The following RGS6 variants were observed in gnomAD, a reference collection of about 807,000 sequenced individuals.
The protein encoded by RGS6 is regulator of G protein signaling 6, also known as regulator of G-protein signaling 6.
In RGS6, 30 loss-of-function variants were observed where a neutral mutation model predicts 78.5. That is an observed-to-expected ratio of 0.38 (90% CI 0.29 to 0.52). RGS6 has a LOEUF of 0.52. Ranked by LOEUF, RGS6 falls within the 20% of genes least tolerant of loss-of-function variation. RGS6 has a pLI of 0.85. For synonymous variants in RGS6, 206 were observed against 206.0 expected (o/e 1.00, Z 0.00); for missense variants, 495 against 609.7 (o/e 0.81, Z 1.98).
In RGS6 at chr14:71,964,908, T is replaced by G. The variant is rs144100560; in HGVS notation, c.84+33T>G. On this transcript the variant is annotated intron_variant, in intron 2 of 17. Coordinates refer to ENST00000553525, the MANE Select transcript of RGS6 (RefSeq NM_001204424.2). ...GCCTGGTCAAGTGCCGTGCGTGCTGTCCGTGTGGACTGTTGTGTTCTGTGT... is the reference window on the plus strand; with the variant it reads ...GCCTGGTCAAGTGCCGTGCGTGCTGGCCGTGTGGACTGTTGTGTTCTGTGT... 692 of 1,566,060 alleles carry G rather than the reference T, an allele frequency of 4.4e-4. 13 individuals carry two copies. In the East Asian group the frequency reaches 0.01, roughly 23 times the overall value.
intron 2 of RGS6, among the ~76,000 whole-genome samples, chr14:72,251,655 G>C (rs1216842360): frequency 6.6e-6 from 1 of 152,164 alleles, no homozygotes; most frequent in East Asian, 1.9e-4. Flanking sequence ...AGAGCTAAAT[G>C]TTGAAAATAT....
At chr14:72,377,683 T>G (rs372624179) in intron 3 of RGS6, among the ~76,000 whole-genome samples, 31 of 152,168 alleles carry the variant, frequency 2.0e-4, no homozygotes, top group African/African-American at 7.0e-4. Context: ...CTTTTCAAAA[T>G]CAAAATTATG....
At chr14:71,882,826 T>A in the RGS6 span, among the ~76,000 whole-genome samples, 1 of 152,232 alleles carries the variant, frequency 6.6e-6, no homozygotes, top group Non-Finnish European at 1.5e-5. Flanking sequence ...TATCTTGCTC[T>A]GCTTTCCAAA....
At chr14:71,933,025 A>G (rs2088094757) in intron 1 of RGS6, 84 bp downstream of exon 1, 2 of 152,282 alleles carry the variant, frequency 1.3e-5, no homozygotes, top group Admixed American at 6.5e-5. Context: ...TCCCCACCCC[A>G]TTAATATGTG....
chr14:72,204,024 A>G (rs1250638257), intron 2 of RGS6, among the ~76,000 whole-genome samples: 1 of 151,716 alleles, frequency 6.6e-6, no homozygotes, highest in Non-Finnish European at 1.5e-5. Flanking sequence ...GGGTTTTGCC[A>G]TGTTGGCCAG....
At chr14:72,616,091 G>A in the RGS6 span, among the ~76,000 whole-genome samples, 4 of 152,100 alleles carry the variant, frequency 2.6e-5, no homozygotes, top group African/African-American at 7.2e-5. Flanking sequence ...TGCCAGACCC[G>A]GGCCAGGATC....
At position 72,510,349 on chromosome 14, in the gene RGS6, C is replaced by G. The variant is rs551152070; in HGVS notation, c.1091+70C>G. 222,359 of 1,450,532 alleles carry G rather than the reference C, an allele frequency of 0.15. 16,374 individuals carry two copies. Among genetic ancestry groups the G allele is most frequent in the African/African-American group, 0.23 (16,069 of 71,322 alleles). The allele number at this position is 1,450,532 out of a possible 1,614,324, so 89.9% of individuals were successfully genotyped here. A position where few individuals can be genotyped will look rare whatever the true frequency, so the allele number is the denominator to read the frequency against. On this transcript the variant is annotated intron_variant, in intron 14 of 17. Coordinates refer to ENST00000553525, the MANE Select transcript of RGS6 (RefSeq NM_001204424.2). Reference sequence around the variant, plus strand: ...AAATTTGCATAATCGGTCTCTCCATCTCTCTCTCTCTCAATGAAACGTTAT... The same window carrying G: ...AAATTTGCATAATCGGTCTCTCCATGTCTCTCTCTCTCAATGAAACGTTAT...
chr14:72,541,699 G>C, intron 17 of RGS6: 1 of 1,459,342 alleles, frequency 6.9e-7, no homozygotes. Flanking sequence ...TAGGGATTTT[G>C]CTGACAAGCC....
At chr14:72,236,782 C>G (rs1419252149) in intron 2 of RGS6, among the ~76,000 whole-genome samples, 1 of 152,068 alleles carries the variant, frequency 6.6e-6, no homozygotes, top group East Asian at 1.9e-4. Flanking sequence ...GCACTCCTCA[C>G]TTCCCAGATG....
rs936929112 is a variant in RGS6 at position 72,222,925 on chromosome 14, G to C, written c.85-129170G>C. Reference sequence around the variant, plus strand: ...ACAATAGTTAAATATTTCCTGAGCAGTTTTATTTATCTCATTAATTTACTT... The same window carrying C: ...ACAATAGTTAAATATTTCCTGAGCACTTTTATTTATCTCATTAATTTACTT... On this transcript the variant is annotated intron_variant, in intron 2 of 17. Transcript: ENST00000553525. Among the ~76,000 whole-genome samples, 11 of 152,238 alleles carry C rather than the reference G, an allele frequency of 7.2e-5. No homozygotes were observed. In the South Asian group the frequency reaches 1.0e-3, roughly 14 times the overall value.
At chr14:72,323,490 A>G (rs1041350439) in intron 2 of RGS6, among the ~76,000 whole-genome samples, 3 of 151,718 alleles carry the variant, frequency 2.0e-5, no homozygotes, top group Non-Finnish European at 4.4e-5. Flanking sequence ...TCAAGAACAA[A>G]TAAGGAAGCC....
intron 3 of RGS6, among the ~76,000 whole-genome samples, chr14:72,435,146 T>A (rs1015791971): frequency 1.8e-4 from 27 of 152,240 alleles, no homozygotes; most frequent in African/African-American, 6.5e-4. Context: ...CTAAACGTAA[T>A]TGGAATCCTT....
At chr14:72,294,785 G>A (rs907525294) in intron 2 of RGS6, among the ~76,000 whole-genome samples, 41 of 151,952 alleles carry the variant, frequency 2.7e-4, no homozygotes, top group Non-Finnish European at 5.0e-4. Flanking sequence ...AGCACCAAAG[G>A]GGTGGTGCTA....
chr14:71,882,570 G>C, the RGS6 span, among the ~76,000 whole-genome samples: 1 of 152,200 alleles, frequency 6.6e-6, no homozygotes, highest in Non-Finnish European at 1.5e-5. Flanking sequence ...GAATGGAACA[G>C]GTCTATCCTA....
At chr14:72,354,250 G>T (rs2079751171) in intron 3 of RGS6, among the ~76,000 whole-genome samples, 1 of 152,056 alleles carries the variant, frequency 6.6e-6, no homozygotes, top group Admixed American at 6.6e-5. Context: ...CTGAGATCAG[G>T]TACCATCATA....
intron 16 of RGS6, chr14:72,537,423 T>C: frequency 1.4e-6 from 1 of 701,332 alleles, no homozygotes; most frequent in Non-Finnish European, 2.6e-6. Context: ...TGTGTAGCCC[T>C]GGAAAGAGGC....
rs144793902 is a variant in RGS6, at chr14:72,456,657, C to T, written c.236-1614C>T. On this transcript the variant is annotated intron_variant, in intron 4 of 17. Coordinates refer to ENST00000553525, the MANE Select transcript of RGS6 (RefSeq NM_001204424.2). ...GAGAATGAAGTTAGAGTCTTAGCTC[C>T]AAGACTGGTGGCATGAAAGTCACCT... 5.9e-3 allele frequency among the ~76,000 whole-genome samples: 899 copies of T among 152,242 alleles called. 4 individuals carry two copies. Among genetic ancestry groups the T allele is most frequent in the African/African-American group, 0.014 (565 of 41,542 alleles).
the RGS6 span, among the ~76,000 whole-genome samples, chr14:71,915,395 T>C: frequency 6.6e-6 from 1 of 152,198 alleles, no homozygotes; most frequent in African/African-American, 2.4e-5. Context: ...TGTCTTCCTG[T>C]GTAGCAGACG....
At chr14:72,448,961 C>T (rs560861188) in intron 3 of RGS6, among the ~76,000 whole-genome samples, 8 of 152,134 alleles carry the variant, frequency 5.3e-5, no homozygotes, top group African/African-American at 1.9e-4. Flanking sequence ...CATGCGATAA[C>T]AGGGTCAAGT....
Sources: gnomAD v4.1 joint callset for allele counts (sites outside exome capture counted in the v4.1 genomes callset) on GRCh38, gnomAD v4.1.1 for gene constraint, MANE v1.5 for transcripts, NCBI Gene and HGNC (gene_info 2026-07-23, HGNC 2026-07-21) for gene names.